Variants in DLGAP4 observed in about 807,000 individuals in gnomAD.
The protein encoded by DLGAP4 is DLG associated protein 4.
In DLGAP4, 18 loss-of-function variants were observed where a neutral mutation model predicts 86.9. That is an observed-to-expected ratio of 0.21 (90% CI 0.14 to 0.31). DLGAP4 has a LOEUF of 0.31. Among genes scored for constraint, DLGAP4 ranks in the 10% least tolerant of loss-of-function variants. DLGAP4 has a pLI of 1.00. For missense variants in DLGAP4, 1,085 were observed against 1,362.6 expected, an observed-to-expected ratio of 0.80 and a Z score of 3.21; for synonymous variants, 548 against 574.3, an observed-to-expected ratio of 0.95 and a Z score of 0.65.
intron 7 of DLGAP4, among the ~76,000 whole-genome samples, chr20:36,453,760 C>T (rs2033802369): frequency 6.6e-6 from 1 of 150,712 alleles, no homozygotes; most frequent in African/African-American, 2.4e-5. Context: ...TGGTGAAACC[C>T]TGTCTCTGCT....
At chr20:36,513,078 A>G (rs1431918444) in intron 10 of DLGAP4, among the ~76,000 whole-genome samples, 1 of 149,220 alleles carries the variant, frequency 6.7e-6, no homozygotes, top group Non-Finnish European at 1.5e-5. Context: ...CAGCCTCCCA[A>G]GTAGCTCGGA....
At chr20:36,507,075 T>C (rs1600675642) in intron 10 of DLGAP4, among the ~76,000 whole-genome samples, 2 of 152,246 alleles carry the variant, frequency 1.3e-5, no homozygotes, top group South Asian at 2.1e-4. Flanking sequence ...AATGGATAGG[T>C]GGATTGCATC....
chr20:36,518,500 A>G (rs2037176931), intron 10 of DLGAP4, among the ~76,000 whole-genome samples: 1 of 152,054 alleles, frequency 6.6e-6, no homozygotes, highest in South Asian at 2.1e-4. Flanking sequence ...GTCCTTTTAT[A>G]TAAGCTTTGA....
intron 1 of DLGAP4, among the ~76,000 whole-genome samples, chr20:36,326,672 T>G (rs1555891015): frequency 6.6e-6 from 1 of 152,210 alleles, no homozygotes; most frequent in Non-Finnish European, 1.5e-5. Flanking sequence ...TGCTCTTCAT[T>G]CCTTTTTATA....
At chr20:36,440,802 G>A (rs1393355092) in intron 5 of DLGAP4, among the ~76,000 whole-genome samples, 2 of 151,924 alleles carry the variant, frequency 1.3e-5, no homozygotes, top group Non-Finnish European at 2.9e-5. Flanking sequence ...ACACCTACTG[G>A]TAGTAGCAGT....
rs973449933 is a variant in DLGAP4 at position 36,527,162 on chromosome 20, C to T, written c.*131C>T. On this transcript the variant is annotated 3_prime_UTR_variant, in exon 13 of 13. Transcript: ENST00000339266. ...GACCCTGAGCCAACTTTCAAATTGA[C>T]GCATACAAGGGCTCACAATTTGGCT... 1.2e-5 allele frequency: 12 copies of T among 993,810 alleles called. No homozygotes were observed. The highest frequency in any genetic ancestry group is 6.2e-5 in the Admixed American group (2 of 32,520). The allele number at this position is 993,810 out of a possible 1,614,324, so 61.6% of individuals were successfully genotyped here.
chr20:36,397,671 A>T (rs1185171494), intron 2 of DLGAP4, among the ~76,000 whole-genome samples: 1 of 152,080 alleles, frequency 6.6e-6, no homozygotes, highest in Non-Finnish European at 1.5e-5. Context: ...ATTCATTTCT[A>T]AGTCTTTTCT....
chr20:36,395,291 T>C (rs1023116532), intron 2 of DLGAP4, among the ~76,000 whole-genome samples: 4 of 152,212 alleles, frequency 2.6e-5, no homozygotes, highest in Non-Finnish European at 5.9e-5. Context: ...TTCATTTACC[T>C]GTTACCTGTC....
At chr20:36,466,925 GCT>G (rs545978839) in intron 7 of DLGAP4, among the ~76,000 whole-genome samples, 189 of 129,954 alleles carry the variant, frequency 1.5e-3, no homozygotes, top group Non-Finnish European at 1.6e-3. Context: ...TCTCGCTCTT[GCT>G]CTCTCTCTCT....
chr20:36,306,452 GGCGGCGGCGGCGCA>G lies in DLGAP4; in HGVS notation c.-359_-346del, dbSNP rs1377766987. 3 of 150,034 alleles carry G rather than the reference GGCGGCGGCGGCGCA, an allele frequency of 2.0e-5. No homozygotes were observed. Among genetic ancestry groups the G allele is most frequent in the Non-Finnish European group, 4.5e-5 (3 of 67,080 alleles). 9.3% of individuals were successfully genotyped at this position (150,034 alleles called of 1,614,324 possible). A position where few individuals can be genotyped will look rare whatever the true frequency, so the allele number is the denominator to read the frequency against. Reference sequence around the variant, plus strand: ...CGCGGACCTGCGAGCGGACCCGAGAGGCGGCGGCGGCGCAGCGGAACGGCAGAGCGGGCCGGAGG... The same window carrying G: ...CGCGGACCTGCGAGCGGACCCGAGAGGCGGAACGGCAGAGCGGGCCGGAGG... On this transcript the variant is annotated 5_prime_UTR_variant, in exon 1 of 13. Transcript: ENST00000339266. This position sits in a 1 kb window ranked among gnomAD's most constrained non-coding sequence, Gnocchi z 4.9.
At chr20:36,525,531 A>C in intron 11 of DLGAP4, 2 of 387,482 alleles carry the variant, frequency 5.2e-6, no homozygotes, top group Non-Finnish European at 9.6e-6. Context: ...TCTCGGTGTC[A>C]CTGTCACACC....
chr20:36,388,117 C>T (rs1352392720), intron 2 of DLGAP4, among the ~76,000 whole-genome samples: 1 of 152,206 alleles, frequency 6.6e-6, no homozygotes, highest in East Asian at 1.9e-4. Flanking sequence ...AGGGCAGTCC[C>T]TTGGCTATTG....
At chr20:36,381,784 G>C (rs1382332454) in intron 2 of DLGAP4, among the ~76,000 whole-genome samples, 1 of 152,098 alleles carries the variant, frequency 6.6e-6, no homozygotes, top group Non-Finnish European at 1.5e-5. Context: ...GATGATGGTG[G>C]GTGTCTCATA....
chr20:36,384,548 G>T (rs995542211), intron 2 of DLGAP4, among the ~76,000 whole-genome samples: 3 of 152,160 alleles, frequency 2.0e-5, no homozygotes, highest in African/African-American at 7.2e-5. Context: ...TGAGTGACCT[G>T]GGGACTGTAT....
At chr20:36,434,867 G>C (rs2033227432) in intron 3 of DLGAP4, among the ~76,000 whole-genome samples, 1 of 152,168 alleles carries the variant, frequency 6.6e-6, no homozygotes. Context: ...TAGAGAGTGG[G>C]AATGCTGTGT....
chr20:36,386,693 T>C (rs1451733722), intron 2 of DLGAP4, among the ~76,000 whole-genome samples: 2 of 152,052 alleles, frequency 1.3e-5, no homozygotes, highest in Non-Finnish European at 2.9e-5. Flanking sequence ...CAAGTGATCC[T>C]CCCACCTCAG....
At chr20:36,370,746 A>G (rs1316162035) in intron 2 of DLGAP4, among the ~76,000 whole-genome samples, 1 of 152,200 alleles carries the variant, frequency 6.6e-6, no homozygotes, top group African/African-American at 2.4e-5. Flanking sequence ...CTTGAGCCCA[A>G]AAGTTTGAGG....
intron 2 of DLGAP4, among the ~76,000 whole-genome samples, chr20:36,419,587 A>C: frequency 6.6e-6 from 1 of 152,208 alleles, no homozygotes; most frequent in East Asian, 1.9e-4. Context: ...TGCCATCTGA[A>C]GTCCTACTTC....
At chr20:36,349,286 C>T (rs1356131515) in intron 1 of DLGAP4, among the ~76,000 whole-genome samples, 1 of 150,652 alleles carries the variant, frequency 6.6e-6, no homozygotes, top group Non-Finnish European at 1.5e-5. Context: ...GGCGTGGTGG[C>T]AGGCGCCTGT....
Sources: gnomAD v4.1 joint callset for allele counts (sites outside exome capture counted in the v4.1 genomes callset) on GRCh38, gnomAD v4.1.1 for gene constraint, Gnocchi (gnomAD v3.1) non-coding constraint, MANE v1.5 for transcripts, NCBI Gene and HGNC (gene_info 2026-07-23, HGNC 2026-07-21) for gene names.